Variants in NGLY1 observed in about 807,000 individuals in gnomAD.
NGLY1 encodes N-glycanase 1, also known as peptide-N(4)-(N-acetyl-beta-glucosaminyl)asparagine amidase.
In NGLY1, 68 loss-of-function variants were observed where a neutral mutation model predicts 84.6. That is an observed-to-expected ratio of 0.80 (90% CI 0.66 to 0.98). The LOEUF (loss-of-function observed/expected upper bound fraction) is 0.98. NGLY1 is among the 50% of genes least tolerant of loss of function. The pLI, the probability that NGLY1 is intolerant of heterozygous loss-of-function variation, is 0.00. For synonymous variants in NGLY1, 280 were observed against 275.2 expected (o/e 1.02, Z -0.17); for missense variants, 779 against 770.2 (o/e 1.01, Z -0.14).
intron 3 of NGLY1, among the ~76,000 whole-genome samples, chr3:25,758,388 C>A (rs1464146202): frequency 1.3e-5 from 2 of 152,010 alleles, no homozygotes; most frequent in African/African-American, 4.8e-5. Flanking sequence ...CCACCCTGAG[C>A]AACATGGCAA....
intron 4 of NGLY1, 132 bp downstream of exon 4, chr3:25,750,966 A>G: frequency 1.2e-6 from 1 of 865,604 alleles, no homozygotes; most frequent in African/African-American, 1.7e-5. Context: ...CGTTTGGTTT[A>G]AAAGAATCCA....
At chr3:25,727,208 AT>A (rs1242873190) in intron 10 of NGLY1, among the ~76,000 whole-genome samples, 8 of 152,306 alleles carry the variant, frequency 5.3e-5, no homozygotes, top group African/African-American at 1.9e-4. Context: ...ATTTTTCTTC[AT>A]TTGATACTAA....
chr3:25,782,026 A>G (rs868666390), intron 1 of NGLY1, among the ~76,000 whole-genome samples: 19 of 152,288 alleles, frequency 1.2e-4, no homozygotes, highest in South Asian at 2.1e-4. Context: ...AGGTGAGTTG[A>G]GAAGGTGTCA....
chr3:25,781,226 C>T (rs1442044235), intron 1 of NGLY1, among the ~76,000 whole-genome samples: 4 of 152,204 alleles, frequency 2.6e-5, no homozygotes, highest in Non-Finnish European at 5.9e-5. Context: ...GCTGGGGTTA[C>T]AGGTGTGAGC....
chr3:25,761,446 T>C (rs1386575449), intron 3 of NGLY1, among the ~76,000 whole-genome samples: 1 of 152,174 alleles, frequency 6.6e-6, no homozygotes, highest in East Asian at 1.9e-4. Flanking sequence ...ACACTTAGCA[T>C]GTACAACCAG....
chr3:25,757,385 A>G (rs1396973290), intron 3 of NGLY1, among the ~76,000 whole-genome samples: 1 of 152,198 alleles, frequency 6.6e-6, no homozygotes, highest in Non-Finnish European at 1.5e-5. Context: ...TCTCAATAGT[A>G]GTAGGAAAAT....
intron 10 of NGLY1, among the ~76,000 whole-genome samples, chr3:25,723,663 T>C (rs1452334097): frequency 6.6e-6 from 1 of 152,148 alleles, no homozygotes; most frequent in Non-Finnish European, 1.5e-5. Flanking sequence ...TTGTTTAGTG[T>C]AGAGAAAAAA....
chr3:25,768,785 G>A (rs1182865529), intron 2 of NGLY1, among the ~76,000 whole-genome samples: 3 of 151,442 alleles, frequency 2.0e-5, no homozygotes, highest in Admixed American at 1.3e-4. Flanking sequence ...CTCATGATCC[G>A]CCCACCTTGG....
Position 25,739,682 on chromosome 3 carries a change from G to A in NGLY1, c.776C>T (p.Ser259Phe). ...LCSKCGGQTR[S>F]RDRSLLPSDD... ...ACTGGGCAGTAATGATCTATCTCTA[G>A]ACCTAGTCTGTCCACCACATTTGCT... Residue 259 changes from serine (S) to phenylalanine (F), a missense_variant, in exon 5 of 12, where the codon TCT becomes TTT. By Grantham distance (155) the Ser-to-Phe change is radical. Coordinates refer to ENST00000280700, the MANE Select transcript of NGLY1 (RefSeq NM_018297.4). The A allele has an allele frequency of 6.2e-7, 1 of 1,614,020 alleles. No homozygotes were observed.
At chr3:25,723,083 T>C (rs1424259472) in intron 10 of NGLY1, among the ~76,000 whole-genome samples, 3 of 152,164 alleles carry the variant, frequency 2.0e-5, no homozygotes. Flanking sequence ...CCCTCAAAAG[T>C]GTGGGTATAA....
upstream of NGLY1, chr3:25,783,596 A>G (rs1236977893): frequency 2.8e-5 from 1 of 35,448 alleles, no homozygotes; most frequent in African/African-American, 3.6e-4. This position sits in a 1 kb window ranked among gnomAD's most constrained non-coding sequence, Gnocchi z 4.5. Flanking sequence ...TTCGGCCGGC[A>G]GGGGCGGGGT....
chr3:25,754,398 T>C (rs6804099), intron 3 of NGLY1, among the ~76,000 whole-genome samples: 109,478 of 152,088 alleles, frequency 0.72, 42,011 homozygotes, highest in East Asian at 0.94. Flanking sequence ...TTAGCATATT[T>C]TGAAGGATCA....
chr3:25,781,146 T>C (rs566800050), intron 1 of NGLY1, among the ~76,000 whole-genome samples: 2 of 152,224 alleles, frequency 1.3e-5, no homozygotes, highest in African/African-American at 2.4e-5. Context: ...AGACGGGGTT[T>C]AGCCATGTTG....
At chr3:25,777,665 A>G (rs1708220370) in intron 2 of NGLY1, 1 of 152,096 alleles carries the variant, frequency 6.6e-6, no homozygotes, top group Admixed American at 6.6e-5. Flanking sequence ...TTCCCTGACC[A>G]CTGCCTGCCA....
chr3:25,786,792 T>C (rs951817664), upstream of NGLY1, among the ~76,000 whole-genome samples: 2 of 152,260 alleles, frequency 1.3e-5, no homozygotes, highest in African/African-American at 4.8e-5. Flanking sequence ...TATCACAATA[T>C]TAATGCTATG....
chr3:25,765,278 G>A (rs1370002069), intron 2 of NGLY1, among the ~76,000 whole-genome samples: 2 of 151,766 alleles, frequency 1.3e-5, no homozygotes, highest in African/African-American at 2.4e-5. Flanking sequence ...TGGTCAACAT[G>A]GCAAAACCCT....
upstream of NGLY1, among the ~76,000 whole-genome samples, chr3:25,785,343 T>C (rs1301989061): frequency 1.3e-5 from 2 of 152,056 alleles, no homozygotes; most frequent in African/African-American, 4.8e-5. Flanking sequence ...CTGGGAAATG[T>C]AGTCTCGTCC....
intron 6 of NGLY1, chr3:25,736,488 T>G: frequency 1.0e-6 from 1 of 998,286 alleles, no homozygotes; most frequent in Non-Finnish European, 1.5e-6. Context: ...CTTTTGAAAC[T>G]ACAGTCTCTC....
intron 3 of NGLY1, chr3:25,754,787 GCT>G: frequency 7.3e-6 from 2 of 272,398 alleles, no homozygotes; most frequent in African/African-American, 6.1e-5. Flanking sequence ...GATGACTCGT[GCT>G]TTTTTTTTTT....
Sources: gnomAD v4.1 joint callset for allele counts (sites outside exome capture counted in the v4.1 genomes callset) on GRCh38, gnomAD v4.1.1 for gene constraint, Gnocchi (gnomAD v3.1) non-coding constraint, MANE v1.5 for transcripts, NCBI Gene and HGNC (gene_info 2026-07-23, HGNC 2026-07-21) for gene names.